SYK: variants seen among roughly 807,000 people sequenced by gnomAD.
SYK encodes spleen associated tyrosine kinase.
Under a neutral mutation model 77.8 loss-of-function variants are expected in SYK, and 16 were observed. The ratio of observed to expected loss-of-function variants is 0.21; its 90% CI spans 0.14 to 0.31. The LOEUF is 0.31. SYK is among the 10% of genes least tolerant of loss of function. The pLI, the probability that SYK is intolerant of heterozygous loss-of-function variation, is 1.00. For synonymous variants in SYK, 312 were observed against 308.7 expected, an observed-to-expected ratio of 1.01 and a Z score of -0.11; for missense variants, 529 against 814.4, an observed-to-expected ratio of 0.65 and a Z score of 4.26.
At chr9:90,847,703 G>A (rs1214282853) in intron 3 of SYK, among the ~76,000 whole-genome samples, 1 of 152,222 alleles carries the variant, frequency 6.6e-6, no homozygotes. Flanking sequence ...TCCCATGATG[G>A]TTGTAGAACC....
At chr9:90,885,702 A>G (rs1828537079) in intron 11 of SYK, among the ~76,000 whole-genome samples, 1 of 152,216 alleles carries the variant, frequency 6.6e-6, no homozygotes, top group Non-Finnish European at 1.5e-5. Flanking sequence ...AACAGATACA[A>G]TGCAAAATCA....
intron 1 of SYK, among the ~76,000 whole-genome samples, chr9:90,802,682 G>A (rs943900894): frequency 1.3e-5 from 2 of 152,040 alleles, no homozygotes; most frequent in Admixed American, 1.3e-4. Flanking sequence ...GGACTAGAAA[G>A]ACAATTGGAG....
chr9:90,834,443 G>A (rs1273006533), intron 1 of SYK, among the ~76,000 whole-genome samples: 1 of 152,108 alleles, frequency 6.6e-6, no homozygotes, highest in East Asian at 1.9e-4. Context: ...TAGTGCCCAG[G>A]TCACACAAAG....
chr9:90,872,558 G>T (rs1191525054), intron 7 of SYK, among the ~76,000 whole-genome samples: 15 of 152,306 alleles, frequency 9.8e-5, no homozygotes, highest in Admixed American at 7.2e-4. Flanking sequence ...TTTTCCAGAG[G>T]CAGGATAATT....
chr9:90,871,406 C>T (rs762682608), intron 7 of SYK, among the ~76,000 whole-genome samples: 30 of 152,046 alleles, frequency 2.0e-4, no homozygotes, highest in African/African-American at 5.3e-4. Flanking sequence ...TAATGTAGAC[C>T]GGAAATATAT....
chr9:90,811,438 T>C (rs1262094918), intron 1 of SYK, among the ~76,000 whole-genome samples: 2 of 152,118 alleles, frequency 1.3e-5, no homozygotes, highest in Non-Finnish European at 2.9e-5. Flanking sequence ...TGGAGAAATA[T>C]TCATTGCAAC....
In SYK at chr9:90,843,853, C is replaced by G; in HGVS notation, c.-41-5C>G. The G allele has an allele frequency of 7.0e-7, 1 of 1,437,498 alleles. No homozygotes were observed. The highest frequency in any genetic ancestry group is 9.1e-7 in the Non-Finnish European group (1 of 1,096,012). The allele number at this position is 1,437,498 out of a possible 1,614,324, so 89.0% of individuals were successfully genotyped here. On this transcript the variant is annotated splice_region_variant and splice_polypyrimidine_tract_variant and intron_variant, in intron 1 of 13. Coordinates refer to ENST00000375754, the MANE Select transcript of SYK (RefSeq NM_003177.7). ...ACCAAAGTTCTCTGTCTCTGTCTTG[C>G]CCAGGTGGACACCTGCGCAGGTGTG...
At chr9:90,812,963 A>C (rs952134622) in intron 1 of SYK, among the ~76,000 whole-genome samples, 1 of 152,196 alleles carries the variant, frequency 6.6e-6, no homozygotes, top group African/African-American at 2.4e-5. Context: ...ATGCACATGA[A>C]ATAATTCTCA....
intron 1 of SYK, among the ~76,000 whole-genome samples, chr9:90,836,147 C>A (rs1203966697): frequency 6.6e-6 from 1 of 151,990 alleles, no homozygotes; most frequent in Non-Finnish European, 1.5e-5. Flanking sequence ...GTTAGCCAGG[C>A]GTGGTGGTGG....
intron 11 of SYK, 26 bp downstream of exon 11, chr9:90,878,979 G>T: frequency 6.6e-7 from 1 of 1,515,252 alleles, no homozygotes; most frequent in Admixed American, 1.8e-5. Context: ...CTAATATTCA[G>T]AGCAGCAGGT....
chr9:90,845,487 G>A lies in SYK; in HGVS notation c.471G>A (p.Leu157=). The change falls in exon 3 of 14, where the codon CTG becomes CTA. Residue 157 remains leucine, a synonymous_variant. Coordinates refer to ENST00000375754, the MANE Select transcript of SYK (RefSeq NM_003177.7). ...GTCAGAAGCCTCAGCTGGAGAAGCT[G>A]ATCGCTACCACAGCCCATGAAAAAA... ...IISQKPQLEK[L]IATTAHEKMP... 6.2e-7 allele frequency: 1 copy of A among 1,614,222 alleles called. No individual in the cohort carries two copies. Among genetic ancestry groups the A allele is most frequent in the Admixed American group, 1.7e-5 (1 of 60,020 alleles).
At chr9:90,880,797 A>T (rs548924755) in intron 11 of SYK, among the ~76,000 whole-genome samples, 10 of 152,308 alleles carry the variant, frequency 6.6e-5, no homozygotes, top group African/African-American at 1.4e-4. Flanking sequence ...GGCCCGAGGG[A>T]CAGGAGGACC....
In SYK at chr9:90,864,677, C is replaced by G. The variant is rs1827407775; in HGVS notation, c.796+10C>G. On this transcript the variant is annotated intron_variant, in intron 5 of 13. Transcript: ENST00000375754. ...AAAATCGGCACACAGGGTGAGTTCC[C>G]AAGACACTGGAGTCTCAGTGTTTGA... 2.5e-6 allele frequency: 4 copies of G among 1,611,050 alleles called. No individual in the cohort carries two copies. In the East Asian group the frequency reaches 8.9e-5, roughly 36 times the overall value.
chr9:90,849,960 A>G (rs1471345048), intron 3 of SYK, among the ~76,000 whole-genome samples: 1 of 152,262 alleles, frequency 6.6e-6, no homozygotes, highest in East Asian at 1.9e-4. Flanking sequence ...TGGATACATC[A>G]GTAACATACA....
intron 3 of SYK, among the ~76,000 whole-genome samples, chr9:90,859,221 C>A (rs1248922121): frequency 6.6e-6 from 1 of 152,224 alleles, no homozygotes; most frequent in Non-Finnish European, 1.5e-5. Flanking sequence ...CACTCATACC[C>A]ATCTGTACAG....
intron 1 of SYK, among the ~76,000 whole-genome samples, chr9:90,802,776 G>T (rs1826777717): frequency 8.9e-6 from 1 of 112,884 alleles, no homozygotes; most frequent in South Asian, 3.0e-4. Flanking sequence ...CAAAGATTCA[G>T]TCGAACTCAA....
chr9:90,827,529 A>G (rs1328274471), intron 1 of SYK: 1 of 152,178 alleles, frequency 6.6e-6, no homozygotes, highest in Non-Finnish European at 1.5e-5. Context: ...CACATTCTAT[A>G]CTGCCCAGCG....
chr9:90,810,352 C>T (rs1407676287), intron 1 of SYK, among the ~76,000 whole-genome samples: 5 of 152,120 alleles, frequency 3.3e-5, no homozygotes, highest in Non-Finnish European at 5.9e-5. Context: ...TCCAGATCTC[C>T]TTTTCATGTA....
intron 3 of SYK, among the ~76,000 whole-genome samples, chr9:90,857,892 C>T (rs1431955457): frequency 6.6e-6 from 1 of 152,150 alleles, no homozygotes; most frequent in Admixed American, 6.5e-5. Flanking sequence ...CATCTTCCTT[C>T]CCCTTGTATG....
Sources: allele counts gnomAD v4.1 joint callset (sites outside exome capture counted in the v4.1 genomes callset), GRCh38; gene constraint gnomAD v4.1.1; transcripts MANE v1.5; gene names NCBI Gene and HGNC (gene_info 2026-07-23, HGNC 2026-07-21).